ARHGEF28: variants seen among roughly 807,000 people sequenced by gnomAD.
ARHGEF28 encodes the protein Rho guanine nucleotide exchange factor 28, also known as 190 kDa guanine nucleotide exchange factor.
In ARHGEF28, 152 loss-of-function variants were observed where a neutral mutation model predicts 206.6. The ratio of observed to expected loss-of-function variants is 0.74; its 90% CI spans 0.64 to 0.84. The LOEUF is 0.84. Among genes scored for constraint, ARHGEF28 ranks in the 40% least tolerant of loss-of-function variants. ARHGEF28 has a pLI of 0.00. For missense variants in ARHGEF28, 2,028 were observed against 2,073.2 expected (o/e 0.98, Z 0.42); for synonymous variants, 763 against 776.4 (o/e 0.98, Z 0.29).
intron 1 of ARHGEF28, 45 bp from the exon 2 acceptor site, chr5:73,684,795 TG>T: frequency 6.3e-7 from 1 of 1,579,796 alleles, no homozygotes; most frequent in Non-Finnish European, 8.7e-7. Context: ...GTCGGTTCCA[TG>T]GGGCCTCCTG....
At chr5:73,656,987 G>A (rs570313864) in intron 1 of ARHGEF28, among the ~76,000 whole-genome samples, 1 of 151,848 alleles carries the variant, frequency 6.6e-6, no homozygotes, top group African/African-American at 2.4e-5. Flanking sequence ...TGGCTAACAT[G>A]GTGAAATCCT....
At chr5:73,676,030 C>T (rs373196570) in intron 1 of ARHGEF28, among the ~76,000 whole-genome samples, 5 of 150,676 alleles carry the variant, frequency 3.3e-5, no homozygotes, top group South Asian at 2.1e-4. Flanking sequence ...TGATTGACTC[C>T]GCACCATACA....
chr5:73,652,273 T>C (rs1306819362), intron 1 of ARHGEF28, among the ~76,000 whole-genome samples: 2 of 152,156 alleles, frequency 1.3e-5, no homozygotes, highest in African/African-American at 4.8e-5. Flanking sequence ...CAACTAAAAG[T>C]CTGATGAGGA....
chr5:73,923,843 T>C (rs1332264754), intron 35 of ARHGEF28, among the ~76,000 whole-genome samples: 1 of 152,086 alleles, frequency 6.6e-6, no homozygotes, highest in Non-Finnish European at 1.5e-5. Context: ...AATGACTGAG[T>C]TAACACTAAC....
At chr5:73,631,850 C>A (rs1743387449) in intron 1 of ARHGEF28, among the ~76,000 whole-genome samples, 1 of 152,138 alleles carries the variant, frequency 6.6e-6, no homozygotes, top group Non-Finnish European at 1.5e-5. Flanking sequence ...GTCCTCAAAG[C>A]CCAGCTTAAA....
chr5:73,717,893 G>A (rs763469974), intron 2 of ARHGEF28, among the ~76,000 whole-genome samples: 33 of 152,134 alleles, frequency 2.2e-4, no homozygotes, highest in Admixed American at 4.6e-4. Context: ...TTGTGTGTGT[G>A]TGTGACAGAG....
At chr5:73,898,350 G>A (rs891323252) in intron 30 of ARHGEF28, 4 of 266,188 alleles carry the variant, frequency 1.5e-5, no homozygotes, top group South Asian at 7.5e-5. Context: ...GCCAAATATC[G>A]GACCTTCCCC....
chr5:73,882,210 A>G (rs1256058823), intron 22 of ARHGEF28, among the ~76,000 whole-genome samples: 1 of 152,226 alleles, frequency 6.6e-6, no homozygotes, highest in Non-Finnish European at 1.5e-5. Context: ...AGAATAAAAT[A>G]GATCAAATGT....
intron 16 of ARHGEF28, among the ~76,000 whole-genome samples, chr5:73,861,734 T>G (rs1370202812): frequency 1.3e-5 from 2 of 152,192 alleles, no homozygotes; most frequent in African/African-American, 4.8e-5. Context: ...CATATCATTG[T>G]CCACATATTT....
Position 73,813,760 on chromosome 5 carries a change from TC to T in ARHGEF28, c.1024+18371del, listed in dbSNP as rs563994437. 361 of 1,422,516 alleles carry T rather than the reference TC, an allele frequency of 2.5e-4. 1 individual carries two copies. In the African/African-American group the frequency reaches 4.1e-3, roughly 16 times the overall value. 88.1% of individuals were successfully genotyped at this position (1,422,516 alleles called of 1,614,324 possible). A position where few individuals can be genotyped will look rare whatever the true frequency, so the allele number is the denominator to read the frequency against. On this transcript the variant is annotated intron_variant, in intron 9 of 35. Coordinates refer to ENST00000513042, the MANE Select transcript of ARHGEF28 (RefSeq NM_001177693.2). ...CCGTGTTTCTTTGCCAGACTGTTTT[TC>T]CAATGTAGCGCGTGTTTATACGTGC...
chr5:73,716,208 C>G (rs1253453667), intron 2 of ARHGEF28, among the ~76,000 whole-genome samples: 2 of 152,058 alleles, frequency 1.3e-5, no homozygotes, highest in African/African-American at 4.8e-5. Flanking sequence ...AGTCATGATT[C>G]TGTTAGCTGA....
chr5:73,651,474 G>C (rs1744824174), intron 1 of ARHGEF28, among the ~76,000 whole-genome samples: 1 of 152,162 alleles, frequency 6.6e-6, no homozygotes, highest in South Asian at 2.1e-4. Flanking sequence ...GGGAAAGCTG[G>C]TAGAGATTGT....
chr5:73,797,928 C>A (rs1754916584), intron 9 of ARHGEF28, among the ~76,000 whole-genome samples: 1 of 152,142 alleles, frequency 6.6e-6, no homozygotes, highest in Non-Finnish European at 1.5e-5. Context: ...CCTGTGGCCA[C>A]CTACGTCTAT....
At chr5:73,660,675 A>G (rs1745541402) in intron 1 of ARHGEF28, among the ~76,000 whole-genome samples, 1 of 152,230 alleles carries the variant, frequency 6.6e-6, no homozygotes, top group Non-Finnish European at 1.5e-5. Context: ...TATTATGTTG[A>G]CAGGCATAAA....
chr5:73,910,890 T>A (rs1206741022), intron 34 of ARHGEF28, among the ~76,000 whole-genome samples: 2 of 152,254 alleles, frequency 1.3e-5, no homozygotes, highest in East Asian at 1.9e-4. Flanking sequence ...AAGATCTCTG[T>A]TGCAATCTGT....
chr5:73,920,492 A>G (rs189296719), intron 35 of ARHGEF28, among the ~76,000 whole-genome samples: 95 of 150,920 alleles, frequency 6.3e-4, no homozygotes, highest in African/African-American at 2.1e-3. Context: ...GGTTTGTTGC[A>G]TAGGTATACA....
At chr5:73,847,913 G>C (rs1300800403) in intron 12 of ARHGEF28, among the ~76,000 whole-genome samples, 1 of 152,104 alleles carries the variant, frequency 6.6e-6, no homozygotes, top group Admixed American at 6.5e-5. Context: ...AAAGCCCAAG[G>C]GCCCTTTGAA....
intron 2 of ARHGEF28, among the ~76,000 whole-genome samples, chr5:73,739,300 T>A (rs992804996): frequency 1.3e-5 from 2 of 152,158 alleles, no homozygotes; most frequent in African/African-American, 4.8e-5. Context: ...AAATAATAAA[T>A]TTAAGTGGAT....
chr5:73,917,220 T>C (rs911394226), intron 35 of ARHGEF28, among the ~76,000 whole-genome samples: 1 of 152,170 alleles, frequency 6.6e-6, no homozygotes, highest in Non-Finnish European at 1.5e-5. Context: ...AATTACAATA[T>C]CAAATTATTA....
Sources: gnomAD v4.1 joint callset for allele counts (sites outside exome capture counted in the v4.1 genomes callset) on GRCh38, gnomAD v4.1.1 for gene constraint, MANE v1.5 for transcripts, NCBI Gene and HGNC (gene_info 2026-07-23, HGNC 2026-07-21) for gene names.